MPP4: variants seen among roughly 807,000 people sequenced by gnomAD.
MPP4 encodes MAGUK p55 subfamily member 4.
Under a neutral mutation model 98.3 loss-of-function variants are expected in MPP4, and 91 were observed. The observed-to-expected ratio is 0.93, with a 90% CI of 0.78 to 1.10. MPP4 has a LOEUF of 1.10. Ranked by LOEUF, MPP4 falls within the 50% of genes least tolerant of loss-of-function variation. The probability of loss-of-function intolerance (pLI) is 0.00; values close to 1 mark genes in which losing one functional copy is unlikely to be tolerated. For missense variants in MPP4, 744 were observed against 792.9 expected (o/e 0.94, Z 0.74); for synonymous variants, 261 against 271.8 (o/e 0.96, Z 0.39).
chr2:201,660,730 G>A (rs1422310334), intron 14 of MPP4, among the ~76,000 whole-genome samples: 1 of 152,112 alleles, frequency 6.6e-6, no homozygotes, highest in African/African-American at 2.4e-5. Context: ...GCTCTGTGAA[G>A]GGGAGGAAGT....
At chr2:201,676,614 A>C (rs966183458) in intron 10 of MPP4, among the ~76,000 whole-genome samples, 3 of 152,246 alleles carry the variant, frequency 2.0e-5, no homozygotes, top group Non-Finnish European at 4.4e-5. Flanking sequence ...AGTATAAAAA[A>C]GTAGGCTGGG....
chr2:201,686,645 G>A (rs1200210940), intron 5 of MPP4, among the ~76,000 whole-genome samples: 1 of 152,188 alleles, frequency 6.6e-6, no homozygotes, highest in African/African-American at 2.4e-5. Flanking sequence ...CCCTGACTGA[G>A]ATTGGTAGAC....
Position 201,681,513 on chromosome 2 carries a change from C to T in MPP4, c.715G>A (p.Val239Met), listed in dbSNP as rs1173392049. 6.2e-7 allele frequency: 1 copy of T among 1,613,732 alleles called. No individual in the cohort carries two copies. The highest frequency in any genetic ancestry group is 1.7e-5 in the Admixed American group (1 of 60,014). Reference protein sequence around the residue: ...FKVVPVSDPPVNSQQMVYVRA... With the variant: ...FKVVPVSDPPMNSQQMVYVRA... ...ATTCTTACCATCTGCTGGCTATTCA[C>T]AGGAGGGTCAGAGACTGGAACCACC... Residue 239 changes from valine to methionine, a missense_variant, in exon 9 of 22, where the codon GTG becomes ATG. Physicochemically the swap from Val to Met is conservative, Grantham distance 21. Coordinates refer to ENST00000409474, the MANE Select transcript of MPP4 (RefSeq NM_033066.3).
chr2:201,692,952 A>G lies in MPP4; in HGVS notation c.157T>C (p.Leu53=). ...CACGGCGAGTGGAGGAGATCGTACA[A>G]GAGACACACTCCATTCACATCTCTG... ...YGRDVNGVCL[L]YDLLHSPWLQ... Residue 53 remains leucine, a synonymous_variant, in exon 3 of 22, where the codon TTG becomes CTG. Transcript: ENST00000409474. The G allele has an allele frequency of 6.2e-7, 1 of 1,612,578 alleles. No homozygotes were observed. The highest frequency in any genetic ancestry group is 8.5e-7 in the Non-Finnish European group (1 of 1,179,380).
intron 1 of MPP4, 63 bp downstream of exon 1, chr2:201,698,524 G>A (rs1345784695): frequency 2.4e-6 from 3 of 1,242,576 alleles, no homozygotes; most frequent in Non-Finnish European, 1.1e-6. Context: ...AAACTGACAG[G>A]CAAGCTAGGC....
At chr2:201,681,123 C>T (rs1175812519) in intron 9 of MPP4, 89 bp from the exon 10 acceptor site, 10 of 1,310,286 alleles carry the variant, frequency 7.6e-6, no homozygotes, top group Non-Finnish European at 9.5e-6. Flanking sequence ...TGACTTAAAA[C>T]CATTTCTCCC....
intron 2 of MPP4, 128 bp from the exon 3 acceptor site, chr2:201,693,157 G>T: frequency 9.3e-7 from 1 of 1,071,242 alleles, no homozygotes; most frequent in Non-Finnish European, 1.3e-6. Context: ...CAGGCCAAAA[G>T]ATCTGACTTC....
At chr2:201,675,492 A>C (rs986348318) in intron 10 of MPP4, among the ~76,000 whole-genome samples, 1 of 152,244 alleles carries the variant, frequency 6.6e-6, no homozygotes, top group African/African-American at 2.4e-5. Flanking sequence ...GGATCTTTTC[A>C]GAACAACAAA....
chr2:201,672,657 T>C (rs1353274008), intron 11 of MPP4, among the ~76,000 whole-genome samples: 2 of 152,078 alleles, frequency 1.3e-5, no homozygotes, highest in Admixed American at 1.3e-4. Flanking sequence ...TCTAGAGAAA[T>C]GGATAAATTC....
At chr2:201,662,054 G>T (rs1354640549) in intron 14 of MPP4, 10 of 379,160 alleles carry the variant, frequency 2.6e-5, no homozygotes, top group South Asian at 4.3e-5. Context: ...TTAGAAAAGT[G>T]GTTCACAACT....
Position 201,654,891 on chromosome 2 carries a change from G to C in MPP4, c.1327C>G (p.Leu443Val). 1 of 1,605,234 alleles carries C rather than the reference G, an allele frequency of 6.2e-7. No individual in the cohort carries two copies. The highest frequency in any genetic ancestry group is 1.7e-4 in the Middle Eastern group (1 of 6,052). ...MGPSGVGVNE[L>V]RRQLIEFNPS... ...TTAAATTCAATAAGTTGTCTTCTGA[G>C]CTCATTTACTCCAACACCAGAGGGT... The change falls in exon 18 of 22, where the codon CTC becomes GTC. Residue 443 changes from leucine to valine, a missense_variant. Physicochemically the swap from Leu to Val is conservative, Grantham distance 32. Transcript: ENST00000409474.
chr2:201,671,081 T>C (rs772353097), intron 11 of MPP4, among the ~76,000 whole-genome samples: 1 of 152,218 alleles, frequency 6.6e-6, no homozygotes, highest in Non-Finnish European at 1.5e-5. Context: ...GGAGATTCCC[T>C]TGGGTGCCTA....
rs769091716 is a variant in MPP4, at chr2:201,690,285, G to A, written c.202-6C>T. 20 of 1,584,948 alleles carry A rather than the reference G, an allele frequency of 1.3e-5. No individual in the cohort carries two copies. The highest frequency in any genetic ancestry group is 1.7e-5 in the Non-Finnish European group (20 of 1,159,290). On this transcript the variant is annotated splice_polypyrimidine_tract_variant and splice_region_variant and intron_variant, in intron 3 of 21. Coordinates refer to ENST00000409474, the MANE Select transcript of MPP4 (RefSeq NM_033066.3). Reference sequence around the variant, plus strand: ...TCCTGGAGGCAGTCATAAATCTGCAGAAGGACAAGGGAGGGAGAATTGATA... The same window carrying A: ...TCCTGGAGGCAGTCATAAATCTGCAAAAGGACAAGGGAGGGAGAATTGATA...
At chr2:201,689,374 T>C (rs1424429144) in intron 4 of MPP4, among the ~76,000 whole-genome samples, 1 of 152,032 alleles carries the variant, frequency 6.6e-6, no homozygotes, top group Non-Finnish European at 1.5e-5. Context: ...TACTCTGAGA[T>C]GGGAAGTCAT....
intron 14 of MPP4, among the ~76,000 whole-genome samples, chr2:201,663,861 G>A (rs1389345422): frequency 6.6e-6 from 1 of 152,070 alleles, no homozygotes; most frequent in East Asian, 1.9e-4. Flanking sequence ...CAGCCTGAGT[G>A]ACAGAGAGAC....
intron 18 of MPP4, chr2:201,652,099 G>A (rs1220074757): frequency 1.3e-6 from 1 of 744,916 alleles, no homozygotes; most frequent in African/African-American, 1.9e-5. Flanking sequence ...CGATCATAAA[G>A]CAACTTCTTG....
At chr2:201,670,137 G>C (rs943746852) in intron 11 of MPP4, among the ~76,000 whole-genome samples, 7 of 152,264 alleles carry the variant, frequency 4.6e-5, no homozygotes, top group Middle Eastern at 3.4e-3. Flanking sequence ...AGGGAGGGAG[G>C]AAGGGAAAGA....
In MPP4 at chr2:201,694,031, C is replaced by T. The variant is rs1689109471; in HGVS notation, c.-77G>A. ...ACACGGCACACAGCTCACTCAGTCC[C>T]ACTGGCCACCAGCTCTCAGCACACT... On this transcript the variant is annotated 5_prime_UTR_variant, in exon 2 of 22. Coordinates refer to ENST00000409474, the MANE Select transcript of MPP4 (RefSeq NM_033066.3). The T allele has an allele frequency of 6.2e-7, 1 of 1,612,644 alleles. No homozygotes were observed.
At chr2:201,658,949 T>G (rs1687935364) in intron 15 of MPP4, among the ~76,000 whole-genome samples, 1 of 152,118 alleles carries the variant, frequency 6.6e-6, no homozygotes, top group Admixed American at 6.5e-5. Context: ...CACTCTGGAG[T>G]GCAATGGCAC....
Sources: allele counts gnomAD v4.1 joint callset (sites outside exome capture counted in the v4.1 genomes callset), GRCh38; gene constraint gnomAD v4.1.1; transcripts MANE v1.5; gene names NCBI Gene and HGNC (gene_info 2026-07-23, HGNC 2026-07-21).